EPHA6: variants seen among roughly 807,000 people sequenced by gnomAD.
EPHA6 encodes the protein ephrin type-A receptor 6.
A neutral mutation model predicts 112.0 loss-of-function variants in EPHA6; 50 were observed. The observed-to-expected ratio is 0.45, with a 90% CI of 0.36 to 0.56. EPHA6 has a LOEUF of 0.56. Ranked by LOEUF, EPHA6 falls within the 20% of genes least tolerant of loss-of-function variation. EPHA6 has a pLI of 0.00. For missense variants in EPHA6, 1,280 were observed against 1,417.4 expected (o/e 0.90, Z 1.56); for synonymous variants, 529 against 490.7 (o/e 1.08, Z -1.03).
At chr3:97,369,769 C>T (rs184728366) in intron 5 of EPHA6, among the ~76,000 whole-genome samples, 2 of 152,172 alleles carry the variant, frequency 1.3e-5, no homozygotes, top group Admixed American at 1.3e-4. Flanking sequence ...TATGTCCTTC[C>T]TATATTTTGT....
intron 6 of EPHA6, among the ~76,000 whole-genome samples, chr3:97,407,526 CAGAA>C (rs1028259452): frequency 1.1e-4 from 17 of 151,622 alleles, no homozygotes; most frequent in African/African-American, 3.9e-4. Context: ...AGTGATATGT[CAGAA>C]AGAAAACATA....
intron 2 of EPHA6, among the ~76,000 whole-genome samples, chr3:96,976,021 A>G (rs578100698): frequency 3.3e-5 from 5 of 152,328 alleles, no homozygotes; most frequent in African/African-American, 1.2e-4. Context: ...AGCACCTGAC[A>G]GAAGTGCAAA....
At chr3:96,946,477 A>G (rs2041265012) in intron 2 of EPHA6, among the ~76,000 whole-genome samples, 1 of 152,094 alleles carries the variant, frequency 6.6e-6, no homozygotes, top group South Asian at 2.1e-4. Flanking sequence ...TTCCAGCTTC[A>G]TCCATGTCCC....
chr3:97,127,414 C>T (rs2048212529), intron 3 of EPHA6, among the ~76,000 whole-genome samples: 1 of 151,994 alleles, frequency 6.6e-6, no homozygotes, highest in African/African-American at 2.4e-5. Context: ...GGGAGAAGGG[C>T]TGGGGCAAGA....
At chr3:97,482,833 C>A (rs1335058539) in intron 9 of EPHA6, among the ~76,000 whole-genome samples, 1 of 152,088 alleles carries the variant, frequency 6.6e-6, no homozygotes, top group Non-Finnish European at 1.5e-5. Context: ...TCTTTTAATC[C>A]CTACTAGTTT....
At chr3:96,929,549 G>T (rs1278931716) in intron 2 of EPHA6, among the ~76,000 whole-genome samples, 1 of 152,034 alleles carries the variant, frequency 6.6e-6, no homozygotes. Context: ...TTAAATATTG[G>T]CCCCCAGTCT....
intron 3 of EPHA6, among the ~76,000 whole-genome samples, chr3:97,157,912 A>G (rs973001040): frequency 6.6e-6 from 1 of 152,162 alleles, no homozygotes. Context: ...ATATTTGGTC[A>G]AATGTCTAGG....
chr3:97,236,838 T>C (rs77549278), intron 4 of EPHA6, among the ~76,000 whole-genome samples: 1,886 of 152,136 alleles, frequency 0.012, 31 homozygotes, highest in African/African-American at 0.044. Context: ...GTAGAGCAAA[T>C]GGTGGTTGAG....
intron 5 of EPHA6, among the ~76,000 whole-genome samples, chr3:97,287,203 C>T (rs1181736934): frequency 6.6e-6 from 1 of 152,024 alleles, no homozygotes; most frequent in South Asian, 2.1e-4. Context: ...AACCATTTGA[C>T]TTCTTTTTTT....
chr3:97,148,904 A>C (rs771976019), intron 3 of EPHA6, among the ~76,000 whole-genome samples: 1 of 152,026 alleles, frequency 6.6e-6, no homozygotes, highest in African/African-American at 2.4e-5. Flanking sequence ...CCTTTCATTA[A>C]TGTTTTGCTG....
intron 3 of EPHA6, among the ~76,000 whole-genome samples, chr3:97,116,674 C>CT (rs888445119): frequency 2.0e-5 from 3 of 151,290 alleles, no homozygotes; most frequent in Non-Finnish European, 3.0e-5. Context: ...AGATTTCTTT[C>CT]TTTTTTTTAG....
intron 2 of EPHA6, among the ~76,000 whole-genome samples, chr3:96,960,475 T>G (rs1226658042): frequency 2.0e-5 from 3 of 152,190 alleles, no homozygotes; most frequent in African/African-American, 7.2e-5. Flanking sequence ...CCTCTGCTAT[T>G]CTTAAACCTC....
intron 5 of EPHA6, among the ~76,000 whole-genome samples, chr3:97,292,820 G>A (rs559120055): frequency 6.7e-6 from 1 of 149,086 alleles, no homozygotes; most frequent in African/African-American, 2.5e-5. Context: ...CCCGGTGAGC[G>A]TCCTGCTCTC....
intron 10 of EPHA6, among the ~76,000 whole-genome samples, chr3:97,526,203 T>C (rs2107633200): frequency 6.6e-6 from 1 of 152,308 alleles, no homozygotes; most frequent in Middle Eastern, 3.4e-3. Context: ...TCAGCCTGAA[T>C]GGGCACTGTG....
intron 3 of EPHA6, among the ~76,000 whole-genome samples, chr3:97,196,949 G>A (rs192118835): frequency 1.3e-3 from 193 of 152,010 alleles, no homozygotes; most frequent in South Asian, 3.1e-3. Context: ...ATAGCACTGG[G>A]TCTCACCAAG....
intron 2 of EPHA6, among the ~76,000 whole-genome samples, chr3:96,975,472 G>A (rs1015992020): frequency 6.6e-6 from 1 of 152,062 alleles, no homozygotes; most frequent in African/African-American, 2.4e-5. Flanking sequence ...CTTGGGTATT[G>A]GATTCCTTAT....
chr3:97,683,615 A>G (rs150186610), intron 14 of EPHA6, among the ~76,000 whole-genome samples: 2 of 152,234 alleles, frequency 1.3e-5, no homozygotes, highest in Non-Finnish European at 2.9e-5. Context: ...CTAGCTTACT[A>G]AAAATTTTCT....
intron 3 of EPHA6, among the ~76,000 whole-genome samples, chr3:97,220,993 A>G (rs879179300): frequency 1.3e-5 from 2 of 152,158 alleles, no homozygotes; most frequent in African/African-American, 4.8e-5. Context: ...CTTTATTATT[A>G]TGGGGGAAAA....
At chr3:97,245,370 AT>A (rs1253577019) in intron 5 of EPHA6, among the ~76,000 whole-genome samples, 26 of 151,942 alleles carry the variant, frequency 1.7e-4, no homozygotes, top group African/African-American at 6.0e-4. Context: ...GTCATATTGA[AT>A]TAGGACCCAC....
Sources: gnomAD v4.1 joint callset for allele counts (sites outside exome capture counted in the v4.1 genomes callset) on GRCh38, gnomAD v4.1.1 for gene constraint, MANE v1.5 for transcripts, NCBI Gene and HGNC (gene_info 2026-07-23, HGNC 2026-07-21) for gene names.